The following ABCA13 variants were observed in gnomAD, a reference collection of about 807,000 sequenced individuals.
The protein encoded by ABCA13 is ATP-binding cassette sub-family A member 13.
A neutral mutation model predicts 478.7 loss-of-function variants in ABCA13; 476 were observed. The ratio of observed to expected loss-of-function variants is 0.99; its 90% CI spans 0.92 to 1.07. The LOEUF is 1.07. Among genes scored for constraint, ABCA13 ranks in the 50% least tolerant of loss-of-function variants. ABCA13 has a pLI of 0.00. For missense variants in ABCA13, 6,060 were observed against 5,910.6 expected, an observed-to-expected ratio of 1.03 and a Z score of -0.83; for synonymous variants, 2,252 against 2,158.9, an observed-to-expected ratio of 1.04 and a Z score of -1.20.
intron 29 of ABCA13, among the ~76,000 whole-genome samples, chr7:48,340,736 C>T (rs538619302): frequency 1.3e-5 from 2 of 152,166 alleles, no homozygotes; most frequent in Non-Finnish European, 2.9e-5. Context: ...TTGTTCAACA[C>T]ATTGCTGCTT....
intron 43 of ABCA13, among the ~76,000 whole-genome samples, chr7:48,462,330 T>C (rs1826335105): frequency 6.6e-6 from 1 of 152,112 alleles, no homozygotes; most frequent in Admixed American, 6.5e-5. Flanking sequence ...TTTTTGTAGC[T>C]TCCAGGTATG....
rs148292878 is a variant in ABCA13, at chr7:48,515,082, C to G, written c.13641-1643C>G. On this transcript the variant is annotated intron_variant, in intron 51 of 61. Transcript: ENST00000435803. Reference sequence around the variant, plus strand: ...CTAGACTAAGAGTTAACTTGAGGGCCTGGCATCTCTTATATCATTTTGAAG... The same window carrying G: ...CTAGACTAAGAGTTAACTTGAGGGCGTGGCATCTCTTATATCATTTTGAAG... Among the ~76,000 whole-genome samples, 12 of 152,190 alleles carry G rather than the reference C, an allele frequency of 7.9e-5. 1 individual carries two copies. Among genetic ancestry groups the G allele is most frequent in the African/African-American group, 2.9e-4 (12 of 41,508 alleles).
At chr7:48,452,506 A>C (rs1370911653) in intron 42 of ABCA13, among the ~76,000 whole-genome samples, 1 of 152,220 alleles carries the variant, frequency 6.6e-6, no homozygotes, top group Admixed American at 6.5e-5. Flanking sequence ...CTAATTGCTA[A>C]GTAGATATCC....
intron 42 of ABCA13, among the ~76,000 whole-genome samples, chr7:48,438,729 C>T (rs59698723): frequency 0.16 from 24,219 of 151,650 alleles, 1,992 homozygotes; most frequent in East Asian, 0.27. Flanking sequence ...CTCATTTTAT[C>T]GCTCTCCTCT....
In ABCA13 at chr7:48,580,371, T is replaced by C; in HGVS notation, c.14502T>C (p.Pro4834=). ...SLRGIPRQCI[P]EVAGDLIRRL... Reference sequence around the variant, plus strand: ...GCGGGATTCCAAGGCAGTGCATCCCTGAGGTAAATCTCCCTGGGGTCTTCT... The same window carrying C: ...GCGGGATTCCAAGGCAGTGCATCCCCGAGGTAAATCTCCCTGGGGTCTTCT... The change falls in exon 56 of 62, where the codon CCT becomes CCC. Residue 4834 remains proline, a synonymous_variant. Transcript: ENST00000435803. The C allele has an allele frequency of 6.2e-7, 1 of 1,611,336 alleles. No homozygotes were observed. Among genetic ancestry groups the C allele is most frequent in the Non-Finnish European group, 8.5e-7 (1 of 1,178,756 alleles).
chr7:48,305,129 T>C (rs950329379), intron 23 of ABCA13, among the ~76,000 whole-genome samples: 1 of 152,366 alleles, frequency 6.6e-6, no homozygotes, highest in East Asian at 1.9e-4. Context: ...CTGAGCTGAA[T>C]GCTTTACATC....
intron 53 of ABCA13, among the ~76,000 whole-genome samples, chr7:48,521,792 A>AT (rs1292031176): frequency 1.3e-5 from 2 of 152,060 alleles, no homozygotes; most frequent in East Asian, 1.9e-4. Flanking sequence ...TAAAGAGTCA[A>AT]TTTTTTTCTC....
At chr7:48,457,536 G>A (rs927165742) in intron 43 of ABCA13, among the ~76,000 whole-genome samples, 1 of 152,134 alleles carries the variant, frequency 6.6e-6, no homozygotes, top group South Asian at 2.1e-4. Context: ...TGTTATAGAA[G>A]TGATGCACTT....
intron 10 of ABCA13, among the ~76,000 whole-genome samples, chr7:48,241,348 T>C (rs894975092): frequency 6.6e-6 from 1 of 152,208 alleles, no homozygotes; most frequent in African/African-American, 2.4e-5. Flanking sequence ...GTCTTTGGCA[T>C]TTGTTTAAAA....
intron 55 of ABCA13, among the ~76,000 whole-genome samples, chr7:48,546,463 TAA>T (rs967104537): frequency 2.2e-4 from 25 of 113,206 alleles, no homozygotes; most frequent in African/African-American, 9.3e-4. Context: ...AATTATAGGT[TAA>T]GTTTTATTTT....
At chr7:48,447,861 C>A (rs1433504) in intron 42 of ABCA13, among the ~76,000 whole-genome samples, 1 of 151,872 alleles carries the variant, frequency 6.6e-6, no homozygotes, top group Non-Finnish European at 1.5e-5. Context: ...AGGACCTCAG[C>A]GCATATGAAG....
At chr7:48,617,284 C>T (rs1175360864) in intron 59 of ABCA13, among the ~76,000 whole-genome samples, 1 of 152,148 alleles carries the variant, frequency 6.6e-6, no homozygotes, top group Non-Finnish European at 1.5e-5. Context: ...AGTGGGTCTC[C>T]TTCCTCCTCC....
Position 48,370,305 on chromosome 7 carries a change from G to C in ABCA13, c.10804-1863G>C, listed in dbSNP as rs149708440. Among the ~76,000 whole-genome samples the C allele has an allele frequency of 2.5e-3, 380 of 151,922 alleles. 2 individuals are homozygous for C. The highest frequency in any genetic ancestry group is 8.6e-3 in the African/African-American group (355 of 41,414). ...AGGAGCTTTTTGGATGAGTCTTTAG[G>C]GTTTTCTAGGTATATGATATTATCA... On this transcript the variant is annotated intron_variant, in intron 32 of 61. Coordinates refer to ENST00000435803, the MANE Select transcript of ABCA13 (RefSeq NM_152701.5).
intron 42 of ABCA13, among the ~76,000 whole-genome samples, chr7:48,444,718 C>G (rs973279820): frequency 6.6e-6 from 1 of 152,174 alleles, no homozygotes; most frequent in Non-Finnish European, 1.5e-5. Flanking sequence ...CAGATCACCT[C>G]TCTTGGCTCT....
At chr7:48,444,313 C>A (rs891356642) in intron 42 of ABCA13, among the ~76,000 whole-genome samples, 2 of 152,290 alleles carry the variant, frequency 1.3e-5, no homozygotes, top group Admixed American at 6.5e-5. Flanking sequence ...TGGAGACAAG[C>A]TGTGACTTGC....
intron 27 of ABCA13, among the ~76,000 whole-genome samples, chr7:48,322,609 T>TG (rs1217762449): frequency 6.6e-6 from 1 of 152,198 alleles, no homozygotes; most frequent in Non-Finnish European, 1.5e-5. Context: ...GTTCCAGCTG[T>TG]GGGGGGCTCC....
At position 48,387,919 on chromosome 7, in the gene ABCA13, T is replaced by A; in HGVS notation, c.11433T>A (p.Ser3811Arg). Residue 3811 changes from serine to arginine, a missense_variant, in exon 36 of 62, where the codon AGT (serine) becomes AGA (arginine). Around this residue, in one of 3 missense-constraint regions of ABCA13, gnomAD observed 1,627 missense variants for 1,571.0 expected, o/e 1.04. Coordinates refer to ENST00000435803, the MANE Select transcript of ABCA13 (RefSeq NM_152701.5). ...TGGAGAAAAGGCAATACTTTCTAAG[T>A]TCTAGTCTGTTCTTCTTCAATGAGA... ...FLVEKRQYFL[S>R]SSLFFFNENF... 6.2e-7 allele frequency: 1 copy of A among 1,613,008 alleles called. No individual in the cohort carries two copies. Among genetic ancestry groups the A allele is most frequent in the Non-Finnish European group, 8.5e-7 (1 of 1,179,482 alleles).
chr7:48,350,570 T>A (rs926412190), intron 29 of ABCA13, 73 bp from the exon 30 acceptor site: 27 of 1,390,796 alleles, frequency 1.9e-5, no homozygotes, highest in Non-Finnish European at 2.6e-5. Context: ...ATTTGCACAA[T>A]CTCCACTATA....
At chr7:48,357,094 G>A (rs920609009) in intron 31 of ABCA13, among the ~76,000 whole-genome samples, 11 of 151,818 alleles carry the variant, frequency 7.2e-5, no homozygotes, top group African/African-American at 2.4e-4. Flanking sequence ...GTTGCATCTG[G>A]ACTTTGATGT....
Sources: allele counts gnomAD v4.1 joint callset (sites outside exome capture counted in the v4.1 genomes callset), GRCh38; gene constraint gnomAD v4.1.1; regional missense constraint gnomAD v4.1.1; transcripts MANE v1.5; gene names NCBI Gene and HGNC (gene_info 2026-07-23, HGNC 2026-07-21).